The following MAN1A2 variants were observed in gnomAD, a reference collection of about 807,000 sequenced individuals.
MAN1A2 encodes mannosidase alpha class 1A member 2, also known as mannosyl-oligosaccharide 1,2-alpha-mannosidase IB.
Under a neutral mutation model 75.7 loss-of-function variants are expected in MAN1A2, and 26 were observed. That is an observed-to-expected ratio of 0.34 (90% CI 0.25 to 0.48). The LOEUF (loss-of-function observed/expected upper bound fraction) is 0.48, where lower values mean the gene tolerates loss of function less well. Among genes scored for constraint, MAN1A2 ranks in the 20% least tolerant of loss-of-function variants. The pLI is 0.99. For synonymous variants in MAN1A2, 247 were observed against 264.6 expected (o/e 0.93, Z 0.65); for missense variants, 562 against 775.5 (o/e 0.72, Z 3.27).
At chr1:117,491,260 T>A (rs996874326) in intron 8 of MAN1A2, among the ~76,000 whole-genome samples, 1 of 152,018 alleles carries the variant, frequency 6.6e-6, no homozygotes, top group Non-Finnish European at 1.5e-5. Context: ...ACGGGCTGAC[T>A]CTTGTTGGGG....
intron 9 of MAN1A2, among the ~76,000 whole-genome samples, chr1:117,495,716 T>C (rs770640844): frequency 3.3e-5 from 5 of 151,844 alleles, no homozygotes; most frequent in Non-Finnish European, 7.4e-5. Flanking sequence ...TAGGCATTTT[T>C]GGAATACCTT....
chr1:117,490,114 A>G (rs992053336), intron 8 of MAN1A2, among the ~76,000 whole-genome samples: 2 of 151,994 alleles, frequency 1.3e-5, no homozygotes, highest in Non-Finnish European at 2.9e-5. Context: ...ATCTAGGACA[A>G]ACAAATATAG....
At chr1:117,446,869 C>G (rs1473947869) in intron 6 of MAN1A2, among the ~76,000 whole-genome samples, 1 of 152,020 alleles carries the variant, frequency 6.6e-6, no homozygotes, top group Non-Finnish European at 1.5e-5. Flanking sequence ...AACGAAGTGT[C>G]AAAATATCCC....
At chr1:117,414,945 C>A in intron 4 of MAN1A2, 114 bp downstream of exon 4, 1 of 652,572 alleles carries the variant, frequency 1.5e-6, no homozygotes, top group Non-Finnish European at 2.8e-6. Context: ...GAAACCTAAT[C>A]ACTAATGTGA....
At position 117,419,436 on chromosome 1, in the gene MAN1A2, T is replaced by C. The variant is rs536730697; in HGVS notation, c.775-1133T>C. The stretch of plus-strand genomic sequence containing the variant: ...TAGTATGTTAGATGTTGGGAATATA[T>C]GAAGTAATATTAAGCACTTTGCTTT... On this transcript the variant is annotated intron_variant, in intron 4 of 12. Coordinates refer to ENST00000356554, the MANE Select transcript of MAN1A2 (RefSeq NM_006699.5). Among the ~76,000 whole-genome samples, 3 of 152,162 alleles carry C rather than the reference T, an allele frequency of 2.0e-5. No homozygotes were observed. In the South Asian group the frequency reaches 6.2e-4, roughly 32 times the overall value.
rs569637097 is a variant in MAN1A2, at chr1:117,389,895, T to C, written c.303-12291T>C. ...AAATACCCTTGCATTCCTAGTTCGC[T>C]GAGAATTTTCATCAGGAATGGATAT... is the stretch of plus-strand genomic sequence containing the variant. On this transcript the variant is annotated intron_variant, in intron 1 of 12. Coordinates refer to ENST00000356554, the MANE Select transcript of MAN1A2 (RefSeq NM_006699.5). Among the ~76,000 whole-genome samples the C allele has an allele frequency of 3.9e-5, 6 of 152,230 alleles. No individual in the cohort carries two copies. The South Asian group carries it at 1.2e-3, about 32-fold the overall frequency.
chr1:117,455,857 C>A (rs1649566323), intron 6 of MAN1A2, among the ~76,000 whole-genome samples: 1 of 151,218 alleles, frequency 6.6e-6, no homozygotes. Flanking sequence ...TATTACATAT[C>A]CTCTCAAATT....
intron 5 of MAN1A2, among the ~76,000 whole-genome samples, chr1:117,432,980 ATTTCT>A (rs952688544): frequency 1.7e-4 from 25 of 149,676 alleles, no homozygotes; most frequent in African/African-American, 2.7e-4. Context: ...ATCAAGAAAA[ATTTCT>A]TTTATTGTAG....
At chr1:117,513,263 G>A (rs1396723300) in intron 12 of MAN1A2, among the ~76,000 whole-genome samples, 2 of 152,120 alleles carry the variant, frequency 1.3e-5, no homozygotes, top group African/African-American at 4.8e-5. Flanking sequence ...GGTAAACAAT[G>A]TGAATATACT....
In MAN1A2 at chr1:117,524,767, C is replaced by G. The variant is rs1396169492; in HGVS notation, c.*1810C>G. 6.3e-6 allele frequency: 1 copy of G among 158,498 alleles called. No homozygotes were observed. The highest frequency in any genetic ancestry group is 2.4e-5 in the African/African-American group (1 of 41,498). The allele number at this position is 158,498 out of a possible 1,614,324, so 9.8% of individuals were successfully genotyped here. ...GAAAATAAGGATGCAGGGCCAGTTA[C>G]AATAGTCCTTAAGAGAGTTAAATTA... On this transcript the variant is annotated 3_prime_UTR_variant, in exon 13 of 13. Transcript: ENST00000356554.
intron 1 of MAN1A2, among the ~76,000 whole-genome samples, chr1:117,369,168 T>G (rs1435405888): frequency 6.6e-6 from 1 of 152,198 alleles, no homozygotes; most frequent in African/African-American, 2.4e-5. Flanking sequence ...TTAATTTTGC[T>G]CTCTCTTTTA....
chr1:117,514,339 G>C (rs1651644905), intron 12 of MAN1A2, among the ~76,000 whole-genome samples: 1 of 149,408 alleles, frequency 6.7e-6, no homozygotes. Context: ...CTCCAGCTGG[G>C]GGACACAGCA....
intron 4 of MAN1A2, among the ~76,000 whole-genome samples, chr1:117,419,589 C>G (rs933635393): frequency 6.6e-6 from 1 of 151,976 alleles, no homozygotes; most frequent in African/African-American, 2.4e-5. Context: ...TAGAGTAATA[C>G]AGTTTCCTTT....
chr1:117,466,309 G>T (rs139701068), intron 7 of MAN1A2, 25 bp from the exon 8 acceptor site: 2 of 1,443,144 alleles, frequency 1.4e-6, no homozygotes, highest in African/African-American at 1.4e-5. Flanking sequence ...TTTATTAATT[G>T]CATTCTTAAT....
At chr1:117,428,589 T>G (rs1648457652) in intron 5 of MAN1A2, among the ~76,000 whole-genome samples, 1 of 143,252 alleles carries the variant, frequency 7.0e-6, no homozygotes, top group African/African-American at 2.7e-5. Context: ...CAAAAATAGT[T>G]AAAACGACAT....
At chr1:117,514,783 G>T in intron 12 of MAN1A2, 1 of 529,204 alleles carries the variant, frequency 1.9e-6, no homozygotes. Context: ...GGTTAGAGAA[G>T]ACTGAAAAAC....
chr1:117,528,187 G>A lies in MAN1A2; in HGVS notation c.*5230G>A, dbSNP rs938801897. 3 of 152,024 alleles carry A rather than the reference G, an allele frequency of 2.0e-5. No homozygotes were observed. The highest frequency in any genetic ancestry group is 4.4e-5 in the Non-Finnish European group (3 of 67,972). The allele number at this position is 152,024 out of a possible 1,614,324, so 9.4% of individuals were successfully genotyped here. A position where few individuals can be genotyped will look rare whatever the true frequency, so the allele number is the denominator to read the frequency against. On this transcript the variant is annotated 3_prime_UTR_variant, in exon 13 of 13. Transcript: ENST00000356554. ...TTGCAGAACTCATAAAATTGCTTGT[G>A]AAATTACACACCATATTACTAGCAT...
chr1:117,466,451 G>A (rs1305927283), intron 8 of MAN1A2, 24 bp downstream of exon 8: 1 of 1,437,968 alleles, frequency 7.0e-7, no homozygotes, highest in African/African-American at 1.5e-5. Context: ...TATACCTGAG[G>A]CTTTCTTAAA....
chr1:117,376,606 GAC>G (rs1653153747), intron 1 of MAN1A2, among the ~76,000 whole-genome samples: 1 of 152,236 alleles, frequency 6.6e-6, no homozygotes, highest in South Asian at 2.1e-4. Flanking sequence ...GGAAAAAAGA[GAC>G]AAATATTTTG....
Sources: allele counts gnomAD v4.1 joint callset (sites outside exome capture counted in the v4.1 genomes callset), GRCh38; gene constraint gnomAD v4.1.1; transcripts MANE v1.5; gene names NCBI Gene and HGNC (gene_info 2026-07-23, HGNC 2026-07-21).